Variants in DOP1B observed in about 807,000 individuals in gnomAD.
The protein encoded by DOP1B is DOP1 leucine zipper like protein B.
Under a neutral mutation model 233.5 loss-of-function variants are expected in DOP1B, and 174 were observed. The observed-to-expected ratio is 0.75, with a 90% CI of 0.66 to 0.85. DOP1B has a LOEUF of 0.85. Ranked by LOEUF, DOP1B falls within the 40% of genes least tolerant of loss-of-function variation. The pLI is 0.00. For synonymous variants in DOP1B, 1,190 were observed against 1,185.6 expected (o/e 1.00, Z -0.08); for missense variants, 2,652 against 2,846.6 (o/e 0.93, Z 1.56).
Position 36,293,433 on chromosome 21 carries a change from A to T in DOP1B, c.6759A>T (p.Ala2253=). 1.2e-6 allele frequency: 2 copies of T among 1,614,184 alleles called. No individual in the cohort carries two copies. Among genetic ancestry groups the T allele is most frequent in the Non-Finnish European group, 1.7e-6 (2 of 1,180,042 alleles). Residue 2253 remains alanine (A), a synonymous_variant, in exon 37 of 37, where the codon GCA becomes GCT. Transcript: ENST00000691173. ...CATTCTTCATGACTCTAAATGGTGC[A>T]TTTAAGACCCAGAGACAGCTGCCTG... ...LMPFFMTLNG[A]FKTQRQLPAD...
At position 36,227,805 on chromosome 21, in the gene DOP1B, G is replaced by A. The variant is rs138277507; in HGVS notation, c.1593G>A (p.Thr531=). The change falls in exon 13 of 37, where the codon ACG becomes ACA. Residue 531 remains threonine (T), a synonymous_variant. Coordinates refer to ENST00000691173, the MANE Select transcript of DOP1B (RefSeq NM_001320714.2). ...SLPELTHALK[T]CFKVLSKVQM... The stretch of plus-strand genomic sequence containing the variant: ...CTGAACTCACGCATGCCTTGAAGAC[G>A]TGTTTCAAGGTGCTCAGCAAAGTCC... The A allele has an allele frequency of 2.9e-3, 4,702 of 1,613,588 alleles. 11 individuals carry two copies. Among genetic ancestry groups the A allele is most frequent in the Non-Finnish European group, 3.6e-3 (4,259 of 1,179,630 alleles).
intron 2 of DOP1B, among the ~76,000 whole-genome samples, chr21:36,180,796 G>T (rs1013132720): frequency 2.6e-5 from 4 of 151,796 alleles, no homozygotes; most frequent in Non-Finnish European, 2.9e-5. Context: ...CATGAGAATC[G>T]CTTGAACCCA....
intron 2 of DOP1B, among the ~76,000 whole-genome samples, chr21:36,167,934 C>CTTTTTT (rs372693601): frequency 1.3e-5 from 1 of 75,398 alleles, no homozygotes; most frequent in Non-Finnish European, 2.8e-5. Context: ...CTTTTCTTTT[C>CTTTTTT]TTTTTCTTTT....
At chr21:36,200,735 CG>C (rs1472716088) in intron 4 of DOP1B, among the ~76,000 whole-genome samples, 5 of 151,356 alleles carry the variant, frequency 3.3e-5, no homozygotes, top group Non-Finnish European at 7.4e-5. Context: ...CCCAGCTACT[CG>C]GGAGGCTGAG....
chr21:36,287,105 A>G (rs1266409255), intron 32 of DOP1B, among the ~76,000 whole-genome samples: 1 of 152,184 alleles, frequency 6.6e-6, no homozygotes, highest in Non-Finnish European at 1.5e-5. Context: ...AGAAAAAAAA[A>G]GTCTCATTCT....
chr21:36,258,289 C>G (rs1413498349), intron 23 of DOP1B, among the ~76,000 whole-genome samples: 1 of 152,148 alleles, frequency 6.6e-6, no homozygotes, highest in African/African-American at 2.4e-5. Flanking sequence ...CACCTGTAGC[C>G]TCAGCTACTT....
In DOP1B at chr21:36,198,205, G is replaced by A. The variant is rs549410590; in HGVS notation, c.139-865G>A. On this transcript the variant is annotated intron_variant, in intron 2 of 36. Coordinates refer to ENST00000691173, the MANE Select transcript of DOP1B (RefSeq NM_001320714.2). ...AGCACTTTGGGAGGCCGAGGCGGGT[G>A]GATCACAAGGTCAGGAGATTGAGAC... Among the ~76,000 whole-genome samples, 7 of 152,054 alleles carry A rather than the reference G, an allele frequency of 4.6e-5. No individual in the cohort carries two copies. The South Asian group carries it at 8.3e-4, about 18-fold the overall frequency.
At chr21:36,206,515 G>A (rs908974728) in intron 4 of DOP1B, among the ~76,000 whole-genome samples, 17 of 146,202 alleles carry the variant, frequency 1.2e-4, no homozygotes, top group Middle Eastern at 3.5e-3. Context: ...GGGTGACAGA[G>A]TAACACCCTG....
rs1416413196 is a variant in DOP1B, at chr21:36,289,052, A to T, written c.6361A>T (p.Asn2121Tyr). 4 of 1,611,778 alleles carry T rather than the reference A, an allele frequency of 2.5e-6. No individual in the cohort carries two copies. The highest frequency in any genetic ancestry group is 1.7e-6 in the Non-Finnish European group (2 of 1,179,494). The change falls in exon 35 of 37, where the codon AAC becomes TAC. Residue 2121 changes from asparagine (N) to tyrosine (Y), a missense_variant. Around this residue, in one of 3 missense-constraint regions of DOP1B, gnomAD observed 2,617 missense variants for 2,794.3 expected, o/e 0.94. Transcript: ENST00000691173. The stretch of plus-strand genomic sequence containing the variant: ...TTCTTTGCAAATTTATAGAAGCACC[A>T]ACAAAGTAAACAGAACGAAAGTTTC... ...KDEDESLRST[N>Y]KVNRTKVSVP...
At chr21:36,186,878 G>A (rs990576488) in intron 2 of DOP1B, among the ~76,000 whole-genome samples, 21 of 152,120 alleles carry the variant, frequency 1.4e-4, no homozygotes, top group African/African-American at 5.1e-4. Flanking sequence ...TTGCTCAGAT[G>A]AGAGCTGGAG....
chr21:36,293,691 G>C lies in DOP1B; in HGVS notation c.*120G>C. 1 of 1,214,504 alleles carries C rather than the reference G, an allele frequency of 8.2e-7. No homozygotes were observed. Among genetic ancestry groups the C allele is most frequent in the Non-Finnish European group, 1.2e-6 (1 of 861,634 alleles). 75.2% of individuals were successfully genotyped at this position (1,214,504 alleles called of 1,614,324 possible). On this transcript the variant is annotated 3_prime_UTR_variant, in exon 37 of 37. Coordinates refer to ENST00000691173, the MANE Select transcript of DOP1B (RefSeq NM_001320714.2). ...GAACAAGCCTATTTCCATTTTGAAA[G>C]TAGATTTCAGGCTAGGTGCGGTGGC... is the stretch of plus-strand genomic sequence containing the variant.
At chr21:36,187,520 C>T (rs1198148223) in intron 2 of DOP1B, among the ~76,000 whole-genome samples, 2 of 152,152 alleles carry the variant, frequency 1.3e-5, no homozygotes, top group Admixed American at 1.3e-4. Flanking sequence ...TGGTCTTGAA[C>T]TCCCAACCTC....
At chr21:36,198,443 GAAAAAA>G (rs551457044) in intron 2 of DOP1B, among the ~76,000 whole-genome samples, 1 of 149,090 alleles carries the variant, frequency 6.7e-6, no homozygotes, top group African/African-American at 2.5e-5. Context: ...AAAAAAAAAA[GAAAAAA>G]AAAGATTAAG....
rs75165125 is a variant in DOP1B at position 36,214,643 on chromosome 21, G to A, written c.1129+87G>A. ...TACAACATGGTGAGATACAACCAAA[G>A]CGTTATTTTGAATATAATTTAATAT... On this transcript the variant is annotated intron_variant, in intron 9 of 36. Coordinates refer to ENST00000691173, the MANE Select transcript of DOP1B (RefSeq NM_001320714.2). 2.3e-3 allele frequency: 2,639 copies of A among 1,123,112 alleles called. 38 individuals are homozygous for A. The African/African-American group carries it at 0.032, about 14-fold the overall frequency. The allele number at this position is 1,123,112 out of a possible 1,614,324, so 69.6% of individuals were successfully genotyped here. A position where few individuals can be genotyped will look rare whatever the true frequency, so the allele number is the denominator to read the frequency against.
chr21:36,184,859 G>C (rs902864028), intron 2 of DOP1B, among the ~76,000 whole-genome samples: 5 of 152,250 alleles, frequency 3.3e-5, no homozygotes, highest in African/African-American at 1.2e-4. Context: ...GTAGCGCTGA[G>C]GGTCAGGAAG....
At chr21:36,223,848 C>T (rs1475015169) in intron 11 of DOP1B, among the ~76,000 whole-genome samples, 2 of 152,116 alleles carry the variant, frequency 1.3e-5, no homozygotes, top group African/African-American at 4.8e-5. Flanking sequence ...AGTGGCGTAC[C>T]CCAGGAATAC....
Position 36,227,849 on chromosome 21 carries a change from T to G in DOP1B, c.1637T>G (p.Leu546Arg). ...LSKVQMPPSY[L>R]DTESTSGTSS... Reference sequence around the variant, plus strand: ...AAAGTCCAGATGCCTCCTTCCTACCTCGACACGGAGTCCACCAGCGGAACC... The same window carrying G: ...AAAGTCCAGATGCCTCCTTCCTACCGCGACACGGAGTCCACCAGCGGAACC... The change falls in exon 13 of 37, where the codon CTC becomes CGC. Residue 546 changes from leucine to arginine, a missense_variant. Around this residue, in one of 3 missense-constraint regions of DOP1B, gnomAD observed 2,617 missense variants for 2,794.3 expected, o/e 0.94. Coordinates refer to ENST00000691173, the MANE Select transcript of DOP1B (RefSeq NM_001320714.2). 1 of 1,606,356 alleles carries G rather than the reference T, an allele frequency of 6.2e-7. No individual in the cohort carries two copies. The highest frequency in any genetic ancestry group is 8.5e-7 in the Non-Finnish European group (1 of 1,174,552).
At chr21:36,242,191 G>A (rs1261860172) in intron 18 of DOP1B, among the ~76,000 whole-genome samples, 1 of 95,528 alleles carries the variant, frequency 1.0e-5, no homozygotes, top group Non-Finnish European at 2.0e-5. Flanking sequence ...TATTATTATT[G>A]AAGAAGAGTC....
chr21:36,288,979 C>G, intron 34 of DOP1B, 66 bp from the exon 35 acceptor site: 1 of 1,572,990 alleles, frequency 6.4e-7, no homozygotes, highest in Non-Finnish European at 8.6e-7. Context: ...AGGGACAGGT[C>G]ATAGGTGAAT....
Sources: allele counts gnomAD v4.1 joint callset (sites outside exome capture counted in the v4.1 genomes callset), GRCh38; gene constraint gnomAD v4.1.1; regional missense constraint gnomAD v4.1.1; transcripts MANE v1.5; gene names NCBI Gene and HGNC (gene_info 2026-07-23, HGNC 2026-07-21).